XKR9: variants seen among roughly 807,000 people sequenced by gnomAD.
The protein encoded by XKR9 is XK-related protein 9.
Under a neutral mutation model 32.0 loss-of-function variants are expected in XKR9, and 32 were observed. That is an observed-to-expected ratio of 1.00 (90% CI 0.76 to 1.34). The LOEUF is 1.34. Among genes scored for constraint, XKR9 ranks in the 40% most tolerant of loss-of-function variants. The pLI is 0.00. For missense variants in XKR9, 546 were observed against 429.7 expected (o/e 1.27, Z -2.39); for synonymous variants, 168 against 143.4 (o/e 1.17, Z -1.22).
the XKR9 span, among the ~76,000 whole-genome samples, chr8:70,927,991 T>A: frequency 6.6e-6 from 1 of 152,188 alleles, no homozygotes; most frequent in African/African-American, 2.4e-5. Context: ...TTGAACCTTT[T>A]ATCTAATTTC....
chr8:70,766,775 A>G (rs959192701), intron 2 of XKR9, among the ~76,000 whole-genome samples: 4 of 152,198 alleles, frequency 2.6e-5, no homozygotes, highest in Non-Finnish European at 4.4e-5. Flanking sequence ...TGTTCCATCA[A>G]TACCTAGTTT....
At chr8:70,718,780 A>T (rs1806176289) in intron 4 of XKR9, among the ~76,000 whole-genome samples, 1 of 152,214 alleles carries the variant, frequency 6.6e-6, no homozygotes, top group Admixed American at 6.5e-5. Context: ...TGCAATAAAC[A>T]TACATGTGCA....
At chr8:71,036,690 T>G in the XKR9 span, among the ~76,000 whole-genome samples, 1 of 152,174 alleles carries the variant, frequency 6.6e-6, no homozygotes, top group African/African-American at 2.4e-5. Flanking sequence ...AGGTGTCCGA[T>G]AAATGTTGGT....
At chr8:71,046,381 G>A in the XKR9 span, among the ~76,000 whole-genome samples, 2 of 152,170 alleles carry the variant, frequency 1.3e-5, no homozygotes, top group Non-Finnish European at 2.9e-5. Flanking sequence ...AAGCAGCAGT[G>A]TCCCTTCTGT....
At chr8:70,812,357 A>G in the XKR9 span, among the ~76,000 whole-genome samples, 1 of 152,208 alleles carries the variant, frequency 6.6e-6, no homozygotes, top group African/African-American at 2.4e-5. Flanking sequence ...CAAAAACTGG[A>G]AGCTTTCTCT....
intron 2 of XKR9, among the ~76,000 whole-genome samples, chr8:70,677,004 A>G (rs1488058586): frequency 6.6e-6 from 1 of 152,230 alleles, no homozygotes; most frequent in African/African-American, 2.4e-5. Flanking sequence ...ATCTACATTT[A>G]AAATCATTTA....
At chr8:70,887,257 C>A in the XKR9 span, among the ~76,000 whole-genome samples, 1 of 151,960 alleles carries the variant, frequency 6.6e-6, no homozygotes, top group African/African-American at 2.4e-5. Flanking sequence ...ATTTCTGAGG[C>A]CTCTGTTCTG....
At chr8:70,924,641 T>A in the XKR9 span, among the ~76,000 whole-genome samples, 3 of 152,164 alleles carry the variant, frequency 2.0e-5, no homozygotes, top group African/African-American at 7.2e-5. Context: ...CACATATGTA[T>A]ATTCACTGGT....
chr8:70,677,097 G>T (rs182895752), intron 2 of XKR9, among the ~76,000 whole-genome samples: 42 of 151,034 alleles, frequency 2.8e-4, no homozygotes, highest in African/African-American at 9.9e-4. Context: ...GTTTTCCTGA[G>T]AAAAAGCAGT....
intron 4 of XKR9, among the ~76,000 whole-genome samples, chr8:70,729,772 G>A (rs558267736): frequency 1.2e-4 from 18 of 152,166 alleles, no homozygotes; most frequent in Admixed American, 9.2e-4. Flanking sequence ...ACATAATTTT[G>A]GAGCATATAC....
the XKR9 span, among the ~76,000 whole-genome samples, chr8:70,946,374 A>G: frequency 4.6e-5 from 7 of 151,098 alleles, no homozygotes; most frequent in Admixed American, 4.6e-4. Context: ...TTTCAAAACA[A>G]AAAAAAAACG....
At chr8:70,794,785 G>T (rs1005943389), downstream of XKR9, among the ~76,000 whole-genome samples, 1 of 150,188 alleles carries the variant, frequency 6.7e-6, no homozygotes, top group Non-Finnish European at 1.5e-5. Context: ...GGATTTTTGT[G>T]TCTATATTCG....
At chr8:70,719,777 C>CT (rs530264265) in intron 4 of XKR9, among the ~76,000 whole-genome samples, 2 of 152,094 alleles carry the variant, frequency 1.3e-5, no homozygotes, top group East Asian at 3.9e-4. Context: ...GCTATATGGG[C>CT]TTTTTTTAAT....
At chr8:70,759,015 C>T (rs1048009902) in intron 2 of XKR9, among the ~76,000 whole-genome samples, 29 of 152,334 alleles carry the variant, frequency 1.9e-4, no homozygotes, top group African/African-American at 6.7e-4. Flanking sequence ...AAATTTCCCA[C>T]TCTAAGCTAT....
At chr8:70,916,188 T>A in the XKR9 span, among the ~76,000 whole-genome samples, 1 of 152,216 alleles carries the variant, frequency 6.6e-6, no homozygotes, top group East Asian at 1.9e-4. Flanking sequence ...CGCTACCCTA[T>A]GAAGGATATA....
chr8:71,004,625 G>T, the XKR9 span, among the ~76,000 whole-genome samples: 1 of 152,200 alleles, frequency 6.6e-6, no homozygotes, highest in South Asian at 2.1e-4. Context: ...TAGGAAGTAG[G>T]TGGCTATCTC....
chr8:70,849,100 T>C, the XKR9 span, among the ~76,000 whole-genome samples: 2 of 152,134 alleles, frequency 1.3e-5, no homozygotes, highest in South Asian at 2.1e-4. Flanking sequence ...GTGGACCTAA[T>C]AGACAAGTAC....
chr8:71,031,940 G>T, the XKR9 span, among the ~76,000 whole-genome samples: 2 of 152,044 alleles, frequency 1.3e-5, no homozygotes, highest in African/African-American at 4.8e-5. Context: ...ATGACACTGC[G>T]GGAGATTGTT....
At chr8:71,018,794 A>C in the XKR9 span, among the ~76,000 whole-genome samples, 1 of 152,206 alleles carries the variant, frequency 6.6e-6, no homozygotes, top group African/African-American at 2.4e-5. Context: ...TTAAAATATA[A>C]TACAAACTAG....
Sources: gnomAD v4.1 joint callset for allele counts (sites outside exome capture counted in the v4.1 genomes callset) on GRCh38, gnomAD v4.1.1 for gene constraint, MANE v1.5 for transcripts, NCBI Gene and HGNC (gene_info 2026-07-23, HGNC 2026-07-21) for gene names.